The following CNTN5 variants were observed in gnomAD, a reference collection of about 807,000 sequenced individuals.
The protein encoded by CNTN5 is contactin-5.
Under a neutral mutation model 129.1 loss-of-function variants are expected in CNTN5, and 77 were observed. The ratio of observed to expected loss-of-function variants is 0.60; its 90% CI spans 0.50 to 0.72. CNTN5 has a LOEUF of 0.72. Among genes scored for constraint, CNTN5 ranks in the 30% least tolerant of loss-of-function variants. CNTN5 has a pLI of 0.00. For missense variants in CNTN5, 1,478 were observed against 1,328.8 expected (o/e 1.11, Z -1.75); for synonymous variants, 509 against 465.6 (o/e 1.09, Z -1.20).
At position 100,340,719 on chromosome 11, in the gene CNTN5, G is replaced by C. The variant is rs974046020; in HGVS notation, c.2917+70G>C. Reference sequence around the variant, plus strand: ...ATCGTATAACATTTCTCAAAGCCACGTGAGGTGCATAATAAGCAGAGTCAA... The same window carrying C: ...ATCGTATAACATTTCTCAAAGCCACCTGAGGTGCATAATAAGCAGAGTCAA... On this transcript the variant is annotated intron_variant, in intron 22 of 24. Coordinates refer to ENST00000524871, the MANE Select transcript of CNTN5 (RefSeq NM_014361.4). 20 of 1,339,878 alleles carry C rather than the reference G, an allele frequency of 1.5e-5. No individual in the cohort carries two copies. In the South Asian group the frequency reaches 3.0e-4, roughly 20 times the overall value. The allele number at this position is 1,339,878 out of a possible 1,614,324, so 83.0% of individuals were successfully genotyped here.
At chr11:99,264,257 C>A (rs115899940) in intron 1 of CNTN5, among the ~76,000 whole-genome samples, 2 of 151,096 alleles carry the variant, frequency 1.3e-5, no homozygotes, top group Admixed American at 1.3e-4. Context: ...CTTGATTGTA[C>A]CTTTCTTAGA....
At chr11:99,687,849 C>G (rs1186693612) in intron 3 of CNTN5, among the ~76,000 whole-genome samples, 2 of 152,198 alleles carry the variant, frequency 1.3e-5, no homozygotes, top group African/African-American at 4.8e-5. Flanking sequence ...GGTGCTGGTT[C>G]TGTCCTGTGA....
rs1324169850 is a variant in CNTN5 at position 100,249,390 on chromosome 11, G to A, written c.2006-6370G>A. 3.9e-5 allele frequency among the ~76,000 whole-genome samples: 6 copies of A among 152,168 alleles called. No homozygotes were observed. In the East Asian group the frequency reaches 1.2e-3, roughly 29 times the overall value. On this transcript the variant is annotated intron_variant, in intron 16 of 24. Coordinates refer to ENST00000524871, the MANE Select transcript of CNTN5 (RefSeq NM_014361.4). Reference sequence around the variant, plus strand: ...CATGAGAACATGGCTTCTGCTCAGGGCTTTTGATTTGTCATTTGCTCAGCA... The same window carrying A: ...CATGAGAACATGGCTTCTGCTCAGGACTTTTGATTTGTCATTTGCTCAGCA...
intron 3 of CNTN5, among the ~76,000 whole-genome samples, chr11:99,616,113 T>G (rs1950752960): frequency 6.6e-6 from 1 of 152,170 alleles, no homozygotes. Context: ...CTGTGCAACT[T>G]TATGACATTT....
Position 99,225,444 on chromosome 11 carries a change from G to T in CNTN5, c.-209-99902G>T, listed in dbSNP as rs112052892. On this transcript the variant is annotated intron_variant, in intron 1 of 24. Transcript: ENST00000524871. ...TTTATTTTACAACATAATTTTTCAC[G>T]CAGCAGAACCAATTCCCTACTGATT... is the stretch of plus-strand genomic sequence containing the variant. 7.2e-5 allele frequency among the ~76,000 whole-genome samples: 11 copies of T among 151,948 alleles called. 1 individual carries two copies. Among genetic ancestry groups the T allele is most frequent in the African/African-American group, 2.2e-4 (9 of 41,420 alleles).
chr11:99,234,813 T>C (rs372691221), intron 1 of CNTN5, among the ~76,000 whole-genome samples: 8 of 152,222 alleles, frequency 5.3e-5, no homozygotes, highest in African/African-American at 1.7e-4. Context: ...ACTTGGTAAA[T>C]AGACTCAACT....
chr11:99,803,615 G>A (rs879416806), intron 3 of CNTN5, among the ~76,000 whole-genome samples: 1 of 152,162 alleles, frequency 6.6e-6, no homozygotes, highest in South Asian at 2.1e-4. Flanking sequence ...TTTGGACAAG[G>A]GAGAACACTA....
chr11:100,132,830 A>G (rs1330088171), intron 13 of CNTN5, among the ~76,000 whole-genome samples: 3 of 152,130 alleles, frequency 2.0e-5, no homozygotes, highest in African/African-American at 7.2e-5. Flanking sequence ...AATACAATCT[A>G]TCTGCCTTGA....
intron 2 of CNTN5, among the ~76,000 whole-genome samples, chr11:99,544,639 A>AT (rs797020566): frequency 1.9e-3 from 280 of 150,634 alleles, no homozygotes; most frequent in African/African-American, 6.0e-3. Flanking sequence ...ACTCTACTGA[A>AT]TTTTTTTTTT....
chr11:99,917,124 C>T (rs911381665), intron 7 of CNTN5, among the ~76,000 whole-genome samples: 4 of 151,892 alleles, frequency 2.6e-5, no homozygotes, highest in East Asian at 1.9e-4. Flanking sequence ...TATTTTTAAT[C>T]GAAAGTATGC....
At chr11:99,647,134 T>A (rs1951994558) in intron 3 of CNTN5, among the ~76,000 whole-genome samples, 1 of 152,162 alleles carries the variant, frequency 6.6e-6, no homozygotes, top group Non-Finnish European at 1.5e-5. Flanking sequence ...ATTTCCCCTA[T>A]GTTTTCTTCT....
chr11:99,440,407 TA>T (rs34011019), intron 2 of CNTN5, among the ~76,000 whole-genome samples: 35,746 of 151,182 alleles, frequency 0.24, 4,820 homozygotes, highest in East Asian at 0.41. Flanking sequence ...TCCTATAATT[TA>T]AAAAATTATA....
chr11:99,910,842 G>T (rs924062964), intron 6 of CNTN5, among the ~76,000 whole-genome samples: 2 of 152,006 alleles, frequency 1.3e-5, no homozygotes, highest in Admixed American at 6.6e-5. Flanking sequence ...TTATTATAGG[G>T]TATTTGCATG....
At chr11:100,072,428 G>A (rs1321045176) in intron 12 of CNTN5, among the ~76,000 whole-genome samples, 1 of 152,130 alleles carries the variant, frequency 6.6e-6, no homozygotes, top group Non-Finnish European at 1.5e-5. Flanking sequence ...AAATACTACA[G>A]GAAACAATCC....
intron 3 of CNTN5, among the ~76,000 whole-genome samples, chr11:99,642,050 T>C (rs11220809): frequency 6.6e-6 from 1 of 152,132 alleles, no homozygotes; most frequent in Admixed American, 6.5e-5. Context: ...TCTTCAAGCA[T>C]CCTTTTCTGG....
At position 99,917,811 on chromosome 11, in the gene CNTN5, A is replaced by T. The variant is rs190094173; in HGVS notation, c.673+1662A>T. 9.2e-5 allele frequency among the ~76,000 whole-genome samples: 14 copies of T among 152,314 alleles called. No homozygotes were observed. The East Asian group carries it at 1.9e-3, about 21-fold the overall frequency. The stretch of plus-strand genomic sequence containing the variant: ...CTGGTGGGAGAATATAGTACAATGA[A>T]TTGCATATATGGTAAGATAAACATA... On this transcript the variant is annotated intron_variant, in intron 7 of 24. Coordinates refer to ENST00000524871, the MANE Select transcript of CNTN5 (RefSeq NM_014361.4).
At chr11:100,014,553 CCTGTCTAAAGAGTGAGA>C (rs1273364091) in intron 9 of CNTN5, among the ~76,000 whole-genome samples, 1 of 151,830 alleles carries the variant, frequency 6.6e-6, no homozygotes, top group African/African-American at 2.4e-5. Context: ...TGCACTCCAG[CCTGTCTAAAGAGTGAGA>C]CTCCGTCTCA....
At chr11:99,466,850 A>G (rs183643922) in intron 2 of CNTN5, among the ~76,000 whole-genome samples, 1 of 152,064 alleles carries the variant, frequency 6.6e-6, no homozygotes, top group African/African-American at 2.4e-5. Context: ...TACGGATTTC[A>G]TATTTAGACA....
chr11:99,815,488 G>A (rs951378009), intron 3 of CNTN5, among the ~76,000 whole-genome samples: 3 of 152,150 alleles, frequency 2.0e-5, no homozygotes, highest in East Asian at 1.9e-4. Context: ...TAAATCAGTT[G>A]CACTAAGACC....
Sources: allele counts gnomAD v4.1 joint callset (sites outside exome capture counted in the v4.1 genomes callset), GRCh38; gene constraint gnomAD v4.1.1; transcripts MANE v1.5; gene names NCBI Gene and HGNC (gene_info 2026-07-23, HGNC 2026-07-21).